Variants in ROCK2 observed in about 807,000 individuals in gnomAD.
The protein encoded by ROCK2 is rho-associated protein kinase 2.
ROCK2 carries 61 observed loss-of-function variants against 195.1 expected under a neutral mutation model. That is an observed-to-expected ratio of 0.31 (90% CI 0.25 to 0.39). The LOEUF is 0.39. Among genes scored for constraint, ROCK2 ranks in the 10% least tolerant of loss-of-function variants. The probability of loss-of-function intolerance (pLI) is 1.00; values close to 1 mark genes in which losing one functional copy is unlikely to be tolerated. For missense variants in ROCK2, 1,109 were observed against 1,637.4 expected, an observed-to-expected ratio of 0.68 and a Z score of 5.57; for synonymous variants, 504 against 545.5, an observed-to-expected ratio of 0.92 and a Z score of 1.06.
In ROCK2 at chr2:11,215,528, GTTTT is replaced by G; in HGVS notation, c.1575_1578del (p.Lys525AsnfsTer11). On this transcript the variant is annotated frameshift_variant, in exon 14 of 33. Coordinates refer to ENST00000315872, the MANE Select transcript of ROCK2 (RefSeq NM_004850.5). LOFTEE classifies it high-confidence loss of function. ...CACAAACCATCATTTTCCAAATTTC[GTTTT>G]TTGTCTGCTTCATGATCAGCTTTCC... 6.2e-7 allele frequency: 1 copy of G among 1,610,826 alleles called. No individual in the cohort carries two copies. Among genetic ancestry groups the G allele is most frequent in the Non-Finnish European group, 8.5e-7 (1 of 1,179,204 alleles).
rs566173032 is a variant in ROCK2, at chr2:11,342,074, TA to T, written c.141+1921del. On this transcript the variant is annotated intron_variant, in intron 1 of 32. Transcript: ENST00000315872. ...CGCGTAATTTAAAATTAATTTATTA[TA>T]AAAAAATTTTTAAATTTCGTTTATC... is the stretch of plus-strand genomic sequence containing the variant. Among the ~76,000 whole-genome samples the T allele has an allele frequency of 5.3e-5, 8 of 152,058 alleles. No homozygotes were observed. In the South Asian group the frequency reaches 1.0e-3, roughly 20 times the overall value.
At chr2:11,280,840 G>C (rs1161403457) in intron 3 of ROCK2, among the ~76,000 whole-genome samples, 4 of 152,116 alleles carry the variant, frequency 2.6e-5, no homozygotes, top group Non-Finnish European at 5.9e-5. Context: ...AACTATTAAA[G>C]GAAGAAATTA....
At chr2:11,232,216 C>A (rs1449166464) in intron 5 of ROCK2, among the ~76,000 whole-genome samples, 3 of 152,042 alleles carry the variant, frequency 2.0e-5, no homozygotes, top group Middle Eastern at 3.4e-3. Context: ...GCAACTTCCA[C>A]CCCCTGGGTT....
intron 3 of ROCK2, among the ~76,000 whole-genome samples, chr2:11,250,425 A>G (rs965536651): frequency 6.6e-6 from 1 of 152,178 alleles, no homozygotes. Context: ...ATTTTTGACC[A>G]CCCTTTTAAT....
intron 4 of ROCK2, among the ~76,000 whole-genome samples, chr2:11,246,981 G>A (rs983245064): frequency 4.6e-5 from 7 of 151,468 alleles, no homozygotes; most frequent in Non-Finnish European, 7.4e-5. Context: ...ATGAATGAAC[G>A]AAGTGTGGTA....
At chr2:11,286,682 T>G in intron 2 of ROCK2, 43 bp from the exon 3 acceptor site, 1 of 1,066,916 alleles carries the variant, frequency 9.4e-7, no homozygotes, top group Non-Finnish European at 1.4e-6. Context: ...CAATCATATT[T>G]ATATTTTTAC....
chr2:11,295,158 C>G (rs1667472357), intron 1 of ROCK2, among the ~76,000 whole-genome samples: 2 of 151,872 alleles, frequency 1.3e-5, no homozygotes, highest in Non-Finnish European at 2.9e-5. Flanking sequence ...AAAAGCTTCT[C>G]TCCTCAAAAA....
chr2:11,247,904 CCCAG>C (rs1665674975), intron 4 of ROCK2, among the ~76,000 whole-genome samples: 1 of 152,016 alleles, frequency 6.6e-6, no homozygotes, highest in Non-Finnish European at 1.5e-5. Flanking sequence ...GACCTGTAAT[CCCAG>C]CTACTCGGGA....
chr2:11,298,124 T>C (rs1159096308), intron 1 of ROCK2, among the ~76,000 whole-genome samples: 2 of 152,088 alleles, frequency 1.3e-5, no homozygotes, highest in African/African-American at 4.8e-5. Context: ...TATAGACATA[T>C]ATTTACAAAG....
At position 11,192,278 on chromosome 2, in the gene ROCK2, C is replaced by T. The variant is rs374395637; in HGVS notation, c.4033G>A (p.Val1345Met). ...EEQQKWVSRL[V>M]KKIPKKPPAP... is the part of the protein sequence containing the mutation. Reference sequence around the variant, plus strand: ...GGGGGCTTTTTAGGTATCTTTTTCACCAACCGACTAACCCACTTCTGCTGC... The same window carrying T: ...GGGGGCTTTTTAGGTATCTTTTTCATCAACCGACTAACCCACTTCTGCTGC... The change falls in exon 32 of 33, where the codon GTG becomes ATG. Residue 1345 changes from valine to methionine, a missense_variant. By Grantham distance (21) the Val-to-Met change is conservative. Transcript: ENST00000315872. This position sits in a 1 kb window ranked among gnomAD's most constrained non-coding sequence, Gnocchi z 5.0. The T allele has an allele frequency of 2.5e-6, 4 of 1,613,738 alleles. No homozygotes were observed. In the African/African-American group the frequency reaches 5.3e-5, roughly 22 times the overall value.
rs780971408 is a variant in ROCK2 at position 11,192,762 on chromosome 2, T to A, written c.3688-50A>T. 1.0e-5 allele frequency: 16 copies of A among 1,549,748 alleles called. No homozygotes were observed. The highest frequency in any genetic ancestry group is 2.4e-4 in the Middle Eastern group (1 of 4,224). On this transcript the variant is annotated intron_variant, in intron 30 of 32. Coordinates refer to ENST00000315872, the MANE Select transcript of ROCK2 (RefSeq NM_004850.5). This position sits in a 1 kb window ranked among gnomAD's most constrained non-coding sequence, Gnocchi z 5.0. ...GTGATTTCCAAACATGCTATTTTTT[T>A]ATGTAGGAACAATTCTGATAGTGTA...
At position 11,234,348 on chromosome 2, in the gene ROCK2, T is replaced by C. The variant is rs368200201; in HGVS notation, c.723+1354A>G. The C allele has an allele frequency of 1.3e-5, 2 of 152,254 alleles. 1 individual carries two copies. Among genetic ancestry groups the C allele is most frequent in the East Asian group, 3.9e-4 (2 of 5,188 alleles). The allele number at this position is 152,254 out of a possible 1,614,324, so 9.4% of individuals were successfully genotyped here. A position where few individuals can be genotyped will look rare whatever the true frequency, so the allele number is the denominator to read the frequency against. ...TTGTCTGTACCCTAGTGCCAAAAGT[T>C]TTTGGTTTAATGAAAATCGCAATAC... On this transcript the variant is annotated intron_variant, in intron 5 of 32. Coordinates refer to ENST00000315872, the MANE Select transcript of ROCK2 (RefSeq NM_004850.5).
intron 5 of ROCK2, among the ~76,000 whole-genome samples, chr2:11,229,618 A>AAC (rs201153633): frequency 1.3e-5 from 2 of 150,454 alleles, no homozygotes; most frequent in African/African-American, 5.0e-5. Context: ...CTCTAAATGC[A>AAC]ACACAAAAAA....
At chr2:11,217,360 A>C (rs1664470813) in intron 11 of ROCK2, 191 bp from the exon 12 acceptor site, 1 of 687,992 alleles carries the variant, frequency 1.5e-6, no homozygotes, top group South Asian at 1.4e-5. Context: ...CTTGCTTTCT[A>C]TCAGAGTACA....
At chr2:11,229,036 A>G (rs565630517) in intron 5 of ROCK2, among the ~76,000 whole-genome samples, 2 of 152,298 alleles carry the variant, frequency 1.3e-5, no homozygotes, top group Non-Finnish European at 2.9e-5. Flanking sequence ...AGTTCTACAC[A>G]ATGAAGACTG....
chr2:11,233,111 G>C (rs879730005), intron 5 of ROCK2, among the ~76,000 whole-genome samples: 4 of 152,160 alleles, frequency 2.6e-5, no homozygotes, highest in Non-Finnish European at 5.9e-5. Flanking sequence ...CTACTCAGGA[G>C]GCTAAGGAGG....
intron 1 of ROCK2, among the ~76,000 whole-genome samples, chr2:11,342,036 CATAA>C (rs1020733811): frequency 1.3e-5 from 2 of 151,954 alleles, no homozygotes; most frequent in Admixed American, 6.5e-5. Context: ...TCTAGTAGTT[CATAA>C]ATAAAATACG....
At chr2:11,341,618 T>C (rs1446735183) in intron 1 of ROCK2, among the ~76,000 whole-genome samples, 3 of 152,266 alleles carry the variant, frequency 2.0e-5, no homozygotes, top group Admixed American at 2.0e-4. Flanking sequence ...AATGGTACTT[T>C]CTGAGCTCCT....
intron 1 of ROCK2, chr2:11,308,250 T>C (rs1270802723): frequency 8.1e-7 from 1 of 1,237,826 alleles, no homozygotes; most frequent in African/African-American, 1.5e-5. Context: ...AGTACAGCTT[T>C]ACAGTCCACA....
Sources: allele counts gnomAD v4.1 joint callset (sites outside exome capture counted in the v4.1 genomes callset), GRCh38; gene constraint gnomAD v4.1.1; non-coding constraint Gnocchi (gnomAD v3.1); transcripts MANE v1.5; gene names NCBI Gene and HGNC (gene_info 2026-07-23, HGNC 2026-07-21).